The following ZNF507 variants were observed in gnomAD, a reference collection of about 807,000 sequenced individuals.
ZNF507 encodes the protein zinc finger protein 507.
Under a neutral mutation model 80.0 loss-of-function variants are expected in ZNF507, and 29 were observed. The observed-to-expected ratio is 0.36, with a 90% CI of 0.27 to 0.49. The LOEUF (loss-of-function observed/expected upper bound fraction) is 0.49, where lower values mean the gene tolerates loss of function less well. Among genes scored for constraint, ZNF507 ranks in the 20% least tolerant of loss-of-function variants. The pLI, the probability that ZNF507 is intolerant of heterozygous loss-of-function variation, is 0.98. For missense variants in ZNF507, 1,081 were observed against 1,152.2 expected (o/e 0.94, Z 0.90); for synonymous variants, 462 against 422.5 (o/e 1.09, Z -1.15).
At chr19:32,379,705 C>T (rs1967599143) in intron 5 of ZNF507, among the ~76,000 whole-genome samples, 1 of 152,074 alleles carries the variant, frequency 6.6e-6, no homozygotes, top group Non-Finnish European at 1.5e-5. Context: ...AAAAGCTTAA[C>T]AGATCTGTTT....
intron 4 of ZNF507, chr19:32,359,447 T>G (rs527797291): frequency 2.6e-5 from 4 of 152,370 alleles, no homozygotes; most frequent in African/African-American, 9.6e-5. Context: ...GACACACAGT[T>G]CTTCCTGCTC....
intron 5 of ZNF507, among the ~76,000 whole-genome samples, chr19:32,365,891 C>T (rs548611761): frequency 6.6e-6 from 1 of 152,202 alleles, no homozygotes; most frequent in Non-Finnish European, 1.5e-5. Flanking sequence ...TAAATGTTGA[C>T]TGATAGTTGT....
chr19:32,380,655 T>G, intron 5 of ZNF507: 2 of 1,528,726 alleles, frequency 1.3e-6, no homozygotes, highest in Non-Finnish European at 1.8e-6. Flanking sequence ...GGTTTGTAAT[T>G]AAGTATTTAA....
intron 5 of ZNF507, among the ~76,000 whole-genome samples, chr19:32,379,587 T>C (rs2043323391): frequency 6.6e-6 from 1 of 152,230 alleles, no homozygotes; most frequent in Non-Finnish European, 1.5e-5. Context: ...CAGGTATTCG[T>C]GAATAACTTT....
At chr19:32,366,626 T>C (rs925528102) in intron 5 of ZNF507, among the ~76,000 whole-genome samples, 1 of 152,258 alleles carries the variant, frequency 6.6e-6, no homozygotes, top group African/African-American at 2.4e-5. Context: ...ATTTGAGTTA[T>C]TGTAAGGTTT....
chr19:32,376,046 G>C (rs1409514362), intron 5 of ZNF507, among the ~76,000 whole-genome samples: 1 of 152,184 alleles, frequency 6.6e-6, no homozygotes. Context: ...TAAAACAATA[G>C]AGAATTAAAT....
rs376892274 is a variant in ZNF507 at position 32,357,054 on chromosome 19, C to T, written c.2245+321C>T. ...CTACAACATGGAAAACAGGCCTCCC[C>T]TCCCTCTCTCGGCACCAGTTGACCT... On this transcript the variant is annotated intron_variant, in intron 4 of 6. Coordinates refer to ENST00000355898, the MANE Select transcript of ZNF507 (RefSeq NM_001136156.2). 24 of 220,642 alleles carry T rather than the reference C, an allele frequency of 1.1e-4. No homozygotes were observed. The East Asian group carries it at 1.5e-3, about 13-fold the overall frequency. 13.7% of individuals were successfully genotyped at this position (220,642 alleles called of 1,614,324 possible). A position where few individuals can be genotyped will look rare whatever the true frequency, so the allele number is the denominator to read the frequency against.
At chr19:32,351,533 C>CGGGTGGGGG (rs368340292) in intron 2 of ZNF507, among the ~76,000 whole-genome samples, 1 of 16,962 alleles carries the variant, frequency 5.9e-5, no homozygotes, top group Non-Finnish European at 9.3e-5. Context: ...GGCGTGGGGG[C>CGGGTGGGGG]GGGCGGGGCC....
chr19:32,359,963 G>A (rs907733809), intron 4 of ZNF507, among the ~76,000 whole-genome samples: 1 of 151,984 alleles, frequency 6.6e-6, no homozygotes, highest in African/African-American at 2.4e-5. Flanking sequence ...CCTGGCCTCC[G>A]GCAGTCCTCC....
At chr19:32,362,268 G>A (rs1005092188) in intron 5 of ZNF507, among the ~76,000 whole-genome samples, 2 of 152,126 alleles carry the variant, frequency 1.3e-5, no homozygotes, top group Non-Finnish European at 2.9e-5. Context: ...TGGAAACAGG[G>A]AACACTAGTT....
In ZNF507 at chr19:32,356,754, G is replaced by C. The variant is rs112422840; in HGVS notation, c.2245+21G>C. 2.5e-6 allele frequency: 4 copies of C among 1,579,590 alleles called. No individual in the cohort carries two copies. The African/African-American group carries it at 5.4e-5, about 21-fold the overall frequency. On this transcript the variant is annotated intron_variant, in intron 4 of 6. Transcript: ENST00000355898. Reference sequence around the variant, plus strand: ...GGAAGGTATCTATGTATTTTGTTATGCAGGCTGCAGTGACTTGCACATGAC... The same window carrying C: ...GGAAGGTATCTATGTATTTTGTTATCCAGGCTGCAGTGACTTGCACATGAC...
chr19:32,366,403 G>C (rs1031866705), intron 5 of ZNF507, among the ~76,000 whole-genome samples: 1 of 150,866 alleles, frequency 6.6e-6, no homozygotes, highest in African/African-American at 2.4e-5. Context: ...CCACTATCTT[G>C]ACTTCTAACA....
At chr19:32,369,863 A>G (rs573755420) in intron 5 of ZNF507, among the ~76,000 whole-genome samples, 2 of 152,240 alleles carry the variant, frequency 1.3e-5, no homozygotes, top group East Asian at 3.9e-4. Flanking sequence ...AGACAAGTTC[A>G]TCCTATATAC....
chr19:32,387,026 AAGAT>A lies in ZNF507; in HGVS notation c.*3945_*3948del, dbSNP rs1260630945. 1 of 152,242 alleles carries A rather than the reference AAGAT, an allele frequency of 6.6e-6. No individual in the cohort carries two copies. The highest frequency in any genetic ancestry group is 1.5e-5 in the Non-Finnish European group (1 of 68,040). The allele number at this position is 152,242 out of a possible 1,614,324, so 9.4% of individuals were successfully genotyped here. A position where few individuals can be genotyped will look rare whatever the true frequency, so the allele number is the denominator to read the frequency against. On this transcript the variant is annotated 3_prime_UTR_variant, in exon 7 of 7. Transcript: ENST00000355898. Reference sequence around the variant, plus strand: ...CTGACTAGCATTAGACTGTTACACGAAGATAAACTGAATAAGCATTTAGCTTTTT... The same window carrying A: ...CTGACTAGCATTAGACTGTTACACGAAAACTGAATAAGCATTTAGCTTTTT...
rs755411123 is a variant in ZNF507 at position 32,353,112 on chromosome 19, G to A, written c.282G>A (p.Gln94=). The A allele has an allele frequency of 6.2e-7, 1 of 1,614,210 alleles. No individual in the cohort carries two copies. Among genetic ancestry groups the A allele is most frequent in the Non-Finnish European group, 8.5e-7 (1 of 1,180,054 alleles). ...GTGAGATTCCGGCTAAAGTAATCCA[G>A]TCACCTGCTGCTGATACTAGAAGGG... ...ELCEIPAKVI[Q]SPAADTRRAE... is the part of the protein sequence containing the mutation. The change falls in exon 3 of 7, where the codon CAG becomes CAA. Residue 94 remains glutamine, a synonymous_variant. Coordinates refer to ENST00000355898, the MANE Select transcript of ZNF507 (RefSeq NM_001136156.2).
intron 2 of ZNF507, among the ~76,000 whole-genome samples, chr19:32,348,014 A>G (rs1288761398): frequency 1.3e-5 from 2 of 152,238 alleles, no homozygotes; most frequent in Non-Finnish European, 2.9e-5. Flanking sequence ...AGGTAAATCT[A>G]TAAATAATGT....
chr19:32,360,796 G>A (rs947512828), intron 5 of ZNF507, among the ~76,000 whole-genome samples, 178 bp downstream of exon 5: 1 of 152,120 alleles, frequency 6.6e-6, no homozygotes, highest in Non-Finnish European at 1.5e-5. Context: ...TTTTGAGTCA[G>A]TGTCTTGCTG....
chr19:32,382,894 T>C lies in ZNF507; in HGVS notation c.2673T>C (p.Tyr891=), dbSNP rs1382189943. The change falls in exon 7 of 7, where the codon TAT becomes TAC. Residue 891 remains tyrosine, a synonymous_variant. Coordinates refer to ENST00000355898, the MANE Select transcript of ZNF507 (RefSeq NM_001136156.2). The part of the protein sequence containing the change: ...EKLSPTSNTS[Y]SLEKISSLAP... ...TGAGCCCTACAAGTAATACCTCATA[T>C]AGTTTAGAAAAAATCTCCAGTCTGG... The C allele has an allele frequency of 3.1e-6, 5 of 1,614,000 alleles. 1 individual carries two copies. The highest frequency in any genetic ancestry group is 3.3e-4 in the Middle Eastern group (2 of 6,084).
At chr19:32,352,474 C>CTTTTTTTTT (rs34217641) in intron 2 of ZNF507, among the ~76,000 whole-genome samples, 33 of 146,300 alleles carry the variant, frequency 2.3e-4, no homozygotes, top group Non-Finnish European at 3.0e-4. Context: ...GAATAGGAGT[C>CTTTTTTTTT]TTTTTTTTTT....
Sources: gnomAD v4.1 joint callset for allele counts (sites outside exome capture counted in the v4.1 genomes callset) on GRCh38, gnomAD v4.1.1 for gene constraint, MANE v1.5 for transcripts, NCBI Gene and HGNC (gene_info 2026-07-23, HGNC 2026-07-21) for gene names.